Variants in TNPO3 observed in about 807,000 individuals in gnomAD.
TNPO3 encodes the protein transportin-3.
In TNPO3, 65 loss-of-function variants were observed where a neutral mutation model predicts 122.8. The observed-to-expected ratio is 0.53, with a 90% CI of 0.43 to 0.65. TNPO3 has a LOEUF of 0.65. TNPO3 is among the 30% of genes least tolerant of loss of function. The pLI, the probability that TNPO3 is intolerant of heterozygous loss-of-function variation, is 0.00. For missense variants in TNPO3, 850 were observed against 1,136.7 expected (o/e 0.75, Z 3.63); for synonymous variants, 372 against 411.2 (o/e 0.90, Z 1.15).
At chr7:129,043,143 G>C (rs1174983786) in intron 1 of TNPO3, among the ~76,000 whole-genome samples, 1 of 152,048 alleles carries the variant, frequency 6.6e-6, no homozygotes, top group African/African-American at 2.4e-5. Context: ...ACACACACCT[G>C]TCATCTCAGC....
intron 21 of TNPO3, among the ~76,000 whole-genome samples, chr7:128,958,003 C>T (rs971437605): frequency 1.3e-5 from 2 of 152,190 alleles, no homozygotes; most frequent in South Asian, 4.1e-4. Context: ...CCCCCGACCT[C>T]CCTTTGTCCA....
intron 11 of TNPO3, among the ~76,000 whole-genome samples, chr7:128,989,205 C>T (rs1242825245): frequency 6.6e-6 from 1 of 152,060 alleles, no homozygotes; most frequent in Admixed American, 6.6e-5. Flanking sequence ...TCACTAAAAA[C>T]AGATGTATAA....
intron 13 of TNPO3, among the ~76,000 whole-genome samples, chr7:128,982,699 T>C (rs1026174474): frequency 6.6e-6 from 1 of 152,080 alleles, no homozygotes; most frequent in African/African-American, 2.4e-5. Context: ...TTTAGCTTTA[T>C]ATTATAAGGC....
chr7:128,972,537 G>A lies in TNPO3; in HGVS notation c.2319C>T (p.Val773=). ...SPVTLLRSQV[V]IPILQWAIAS... ...CAATGGCCCACTGTAAGATAGGGAT[G>A]ACCACTTGGCTCCGCAGCAAGGTGA... Residue 773 remains valine (V), a synonymous_variant, in exon 19 of 23, where the codon GTC becomes GTT. Coordinates refer to ENST00000265388, the MANE Select transcript of TNPO3 (RefSeq NM_012470.4). 1 of 1,614,148 alleles carries A rather than the reference G, an allele frequency of 6.2e-7. No individual in the cohort carries two copies.
intron 19 of TNPO3, among the ~76,000 whole-genome samples, chr7:128,971,496 A>G (rs117490852): frequency 0.022 from 3,276 of 152,270 alleles, 55 homozygotes; most frequent in Non-Finnish European, 0.031. Flanking sequence ...TGAGAAAAAT[A>G]TTTTTTAAAT....
In TNPO3 at chr7:129,054,673, CAA is replaced by C; in HGVS notation, c.96_97del (p.Phe32LeufsTer45). 6.2e-7 allele frequency: 1 copy of C among 1,614,120 alleles called. No individual in the cohort carries two copies. Among genetic ancestry groups the C allele is most frequent in the Non-Finnish European group, 8.5e-7 (1 of 1,180,042 alleles). On this transcript the variant is annotated frameshift_variant, in exon 1 of 23. Transcript: ENST00000265388. LOFTEE classifies it high-confidence loss of function. The stretch of plus-strand genomic sequence containing the variant: ...CACCGAACGCTGCAGCTCCCCAAGC[CAA>C]AAAGAGGCGCGCTCCTTTCCGCTGG...
intron 11 of TNPO3, among the ~76,000 whole-genome samples, chr7:128,988,594 A>C (rs1203196867): frequency 6.6e-6 from 1 of 152,244 alleles, no homozygotes; most frequent in Non-Finnish European, 1.5e-5. Context: ...ACTGAATGAT[A>C]AATCTTTTGA....
intron 4 of TNPO3, among the ~76,000 whole-genome samples, chr7:129,013,804 C>T (rs1008951401): frequency 3.3e-5 from 5 of 152,156 alleles, no homozygotes; most frequent in Non-Finnish European, 7.4e-5. Context: ...AATAAAATCT[C>T]CTGTCATTTG....
chr7:129,022,645 T>C (rs987695431), intron 1 of TNPO3, among the ~76,000 whole-genome samples: 1 of 151,970 alleles, frequency 6.6e-6, no homozygotes, highest in African/African-American at 2.4e-5. Context: ...GACATCTATA[T>C]AAAAAGAGCA....
chr7:129,002,550 T>A (rs139954716), intron 5 of TNPO3, among the ~76,000 whole-genome samples: 66 of 152,314 alleles, frequency 4.3e-4, no homozygotes, highest in African/African-American at 1.3e-3. Flanking sequence ...AGCACAAAGA[T>A]GCAAATTATT....
chr7:129,008,296 C>T (rs1286015642), intron 4 of TNPO3, among the ~76,000 whole-genome samples: 4 of 151,960 alleles, frequency 2.6e-5, no homozygotes, highest in Non-Finnish European at 4.4e-5. Context: ...GTGGGAGGAT[C>T]GCTTGAGCCC....
intron 10 of TNPO3, among the ~76,000 whole-genome samples, chr7:128,991,126 G>A (rs943785447): frequency 2.0e-5 from 3 of 152,116 alleles, no homozygotes; most frequent in South Asian, 2.1e-4. Flanking sequence ...TGTCACAGAA[G>A]GTTCAAAATG....
At chr7:128,985,856 T>A (rs1800086420) in intron 12 of TNPO3, among the ~76,000 whole-genome samples, 1 of 152,156 alleles carries the variant, frequency 6.6e-6, no homozygotes, top group Non-Finnish European at 1.5e-5. Context: ...GTCATATGAA[T>A]AACAAAGGAC....
chr7:129,021,489 C>T (rs1804511735), intron 1 of TNPO3, among the ~76,000 whole-genome samples: 1 of 151,064 alleles, frequency 6.6e-6, no homozygotes, highest in African/African-American at 2.4e-5. Flanking sequence ...GAAGAGACCC[C>T]AATTGAGGAA....
At chr7:129,021,247 C>T (rs1045371492) in intron 1 of TNPO3, among the ~76,000 whole-genome samples, 2 of 151,386 alleles carry the variant, frequency 1.3e-5, no homozygotes, top group East Asian at 1.9e-4. Flanking sequence ...CCCAGCTACT[C>T]GGGAGGCTGA....
chr7:129,053,627 G>A (rs1031027062), intron 1 of TNPO3, among the ~76,000 whole-genome samples: 3 of 151,836 alleles, frequency 2.0e-5, no homozygotes, highest in Non-Finnish European at 1.5e-5. Context: ...GCACCTTTAA[G>A]TATCAGTTAT....
intron 1 of TNPO3, among the ~76,000 whole-genome samples, chr7:129,033,169 G>A (rs1279807704): frequency 6.6e-6 from 1 of 152,044 alleles, no homozygotes; most frequent in Non-Finnish European, 1.5e-5. Context: ...ACTCAAAAAG[G>A]ACTAAAGACC....
intron 16 of TNPO3, among the ~76,000 whole-genome samples, chr7:128,977,592 CTTTTTTCTTTTTTTTT>C (rs958802944): frequency 3.5e-5 from 3 of 86,458 alleles, no homozygotes; most frequent in Non-Finnish European, 6.1e-5. Context: ...TTCTTTTTTT[CTTTTTTCTTTTTTTTT>C]TTTTTTGAGA....
rs190521486 is a variant in TNPO3 at position 129,048,067 on chromosome 7, A to G, written c.120+6584T>C. Among the ~76,000 whole-genome samples, 600 of 152,202 alleles carry G rather than the reference A, an allele frequency of 3.9e-3. 5 individuals are homozygous for G. The highest frequency in any genetic ancestry group is 0.014 in the African/African-American group (563 of 41,504). Reference sequence around the variant, plus strand: ...AAGACCCTGACTCTACAAAAAATACAAAACATTAGCCAGGTATGGTGGTGC... The same window carrying G: ...AAGACCCTGACTCTACAAAAAATACGAAACATTAGCCAGGTATGGTGGTGC... On this transcript the variant is annotated intron_variant, in intron 1 of 22. Coordinates refer to ENST00000265388, the MANE Select transcript of TNPO3 (RefSeq NM_012470.4).
Sources: gnomAD v4.1 joint callset for allele counts (sites outside exome capture counted in the v4.1 genomes callset) on GRCh38, gnomAD v4.1.1 for gene constraint, MANE v1.5 for transcripts, NCBI Gene and HGNC (gene_info 2026-07-23, HGNC 2026-07-21) for gene names.